Variants in ADARB2 observed in about 807,000 individuals in gnomAD.
ADARB2 encodes the protein inactive double-stranded RNA-specific editase B2.
Under a neutral mutation model 62.2 loss-of-function variants are expected in ADARB2, and 25 were observed. The ratio of observed to expected loss-of-function variants is 0.40; its 90% CI spans 0.29 to 0.56. The LOEUF (loss-of-function observed/expected upper bound fraction) is 0.56. Among genes scored for constraint, ADARB2 ranks in the 20% least tolerant of loss-of-function variants. The pLI, the probability that ADARB2 is intolerant of heterozygous loss-of-function variation, is 0.43. For synonymous variants in ADARB2, 572 were observed against 500.8 expected (o/e 1.14, Z -1.90); for missense variants, 1,071 against 1,077.4 (o/e 0.99, Z 0.08).
At chr10:1,298,939 T>C (rs1331938405) in intron 3 of ADARB2, among the ~76,000 whole-genome samples, 1 of 151,412 alleles carries the variant, frequency 6.6e-6, no homozygotes, top group African/African-American at 2.4e-5. Context: ...GAGATGGGGT[T>C]TCACTATGGT....
chr10:1,689,134 C>T (rs1426618670), intron 1 of ADARB2, among the ~76,000 whole-genome samples: 2 of 152,186 alleles, frequency 1.3e-5, no homozygotes, highest in Non-Finnish European at 2.9e-5. Flanking sequence ...GAGGAACTGG[C>T]TGCCAGGAGA....
intron 1 of ADARB2, among the ~76,000 whole-genome samples, chr10:1,624,242 C>G (rs770783435): frequency 1.3e-4 from 19 of 151,862 alleles, no homozygotes; most frequent in Non-Finnish European, 2.8e-4. Context: ...TCGGAAAAAA[C>G]AAAACAAAAC....
intron 1 of ADARB2, among the ~76,000 whole-genome samples, chr10:1,618,555 T>C (rs1833669788): frequency 3.9e-5 from 1 of 25,864 alleles, no homozygotes; most frequent in Non-Finnish European, 6.8e-5. Flanking sequence ...AAAAATCAGA[T>C]TTTTTTTTGA....
intron 1 of ADARB2, among the ~76,000 whole-genome samples, chr10:1,722,976 C>T (rs1351016580): frequency 1.3e-5 from 2 of 152,170 alleles, no homozygotes; most frequent in South Asian, 4.1e-4. Flanking sequence ...TGTGCACATA[C>T]ACACTAAGGT....
chr10:1,369,100 A>C (rs1173256780), intron 2 of ADARB2, among the ~76,000 whole-genome samples: 2 of 152,198 alleles, frequency 1.3e-5, no homozygotes. Context: ...CCGACTTTAC[A>C]AATTAACTTT....
At chr10:1,309,167 C>G (rs4329602) in intron 3 of ADARB2, among the ~76,000 whole-genome samples, 3 of 152,196 alleles carry the variant, frequency 2.0e-5, no homozygotes, top group African/African-American at 7.2e-5. Context: ...GAGGTTGCCT[C>G]TAGGGGGTTC....
At chr10:1,545,573 A>G (rs1429268728) in intron 1 of ADARB2, among the ~76,000 whole-genome samples, 1 of 152,056 alleles carries the variant, frequency 6.6e-6, no homozygotes, top group Non-Finnish European at 1.5e-5. Flanking sequence ...CCCTTCCCTT[A>G]AGGAAGATGG....
At chr10:1,331,826 T>C (rs1430163214) in intron 3 of ADARB2, among the ~76,000 whole-genome samples, 2 of 152,218 alleles carry the variant, frequency 1.3e-5, no homozygotes, top group East Asian at 3.8e-4. Flanking sequence ...ATCATCTACA[T>C]ATCGCACACT....
chr10:1,411,917 A>T (rs1168707311), intron 1 of ADARB2, among the ~76,000 whole-genome samples: 1 of 152,264 alleles, frequency 6.6e-6, no homozygotes, highest in African/African-American at 2.4e-5. Flanking sequence ...ATTTCTATAC[A>T]TAAAGACCTG....
intron 1 of ADARB2, among the ~76,000 whole-genome samples, chr10:1,460,398 T>C (rs1831157042): frequency 1.1e-5 from 1 of 89,962 alleles, no homozygotes; most frequent in South Asian, 3.6e-4. Context: ...CAAACCTGCC[T>C]GTGACCTGAA....
chr10:1,535,386 G>A (rs1832317643), intron 1 of ADARB2, among the ~76,000 whole-genome samples: 1 of 152,162 alleles, frequency 6.6e-6, no homozygotes, highest in South Asian at 2.1e-4. Flanking sequence ...TGAGTTCTCG[G>A]TAAACACAAT....
At chr10:1,406,475 T>C (rs1356282650) in intron 1 of ADARB2, among the ~76,000 whole-genome samples, 2 of 152,142 alleles carry the variant, frequency 1.3e-5, no homozygotes, top group African/African-American at 4.8e-5. Context: ...CCTCCTAAAG[T>C]GTCTCCTTTC....
chr10:1,627,077 C>G (rs1833779851), intron 1 of ADARB2, among the ~76,000 whole-genome samples: 1 of 152,172 alleles, frequency 6.6e-6, no homozygotes, highest in South Asian at 2.1e-4. Context: ...CCTCTCCCTC[C>G]CCACAGGCTC....
At chr10:1,632,098 G>A (rs754413353) in intron 1 of ADARB2, among the ~76,000 whole-genome samples, 1 of 152,134 alleles carries the variant, frequency 6.6e-6, no homozygotes, top group African/African-American at 2.4e-5. Context: ...CTTGTTTTTA[G>A]CTAATATTTA....
intron 1 of ADARB2, among the ~76,000 whole-genome samples, chr10:1,651,727 A>C (rs1318660178): frequency 6.6e-6 from 1 of 150,812 alleles, no homozygotes; most frequent in Non-Finnish European, 1.5e-5. Context: ...TTACTGCCTG[A>C]GCGTGGTGGG....
At chr10:1,653,436 G>A (rs2119075935) in intron 1 of ADARB2, among the ~76,000 whole-genome samples, 2 of 152,266 alleles carry the variant, frequency 1.3e-5, no homozygotes, top group East Asian at 3.9e-4. Flanking sequence ...TGGGGTCCCA[G>A]GAATGTTGGG....
chr10:1,496,351 CATT>C (rs1468613022), intron 1 of ADARB2, among the ~76,000 whole-genome samples: 2 of 151,764 alleles, frequency 1.3e-5, no homozygotes, highest in Non-Finnish European at 1.5e-5. Flanking sequence ...CCATTATCAT[CATT>C]GTCATCAGCA....
At chr10:1,412,720 G>A (rs1227934285) in intron 1 of ADARB2, among the ~76,000 whole-genome samples, 8 of 152,128 alleles carry the variant, frequency 5.3e-5, no homozygotes, top group African/African-American at 9.7e-5. Flanking sequence ...AGACCTGGGC[G>A]GGGCAGGTGG....
chr10:1,381,173 TACACACAC>T (rs57463053), intron 1 of ADARB2, among the ~76,000 whole-genome samples: 7 of 151,474 alleles, frequency 4.6e-5, no homozygotes, highest in African/African-American at 7.3e-5. Flanking sequence ...TTTGTGCATA[TACACACAC>T]ACACACACAC....
Sources: gnomAD v4.1 joint callset for allele counts (sites outside exome capture counted in the v4.1 genomes callset) on GRCh38, gnomAD v4.1.1 for gene constraint, MANE v1.5 for transcripts, NCBI Gene and HGNC (gene_info 2026-07-23, HGNC 2026-07-21) for gene names.